The following PIK3AP1 variants were observed in gnomAD, a reference collection of about 807,000 sequenced individuals.
The protein encoded by PIK3AP1 is phosphoinositide 3-kinase adapter protein 1.
Under a neutral mutation model 88.1 loss-of-function variants are expected in PIK3AP1, and 21 were observed. The ratio of observed to expected loss-of-function variants is 0.24; its 90% CI spans 0.17 to 0.34. PIK3AP1 has a LOEUF of 0.34. PIK3AP1 is among the 10% of genes least tolerant of loss of function. The pLI, the probability that PIK3AP1 is intolerant of heterozygous loss-of-function variation, is 1.00. For synonymous variants in PIK3AP1, 398 were observed against 400.0 expected (o/e 1.00, Z 0.06); for missense variants, 828 against 1,035.7 (o/e 0.80, Z 2.75).
At chr10:96,676,124 T>G (rs902742511) in intron 2 of PIK3AP1, among the ~76,000 whole-genome samples, 5 of 152,234 alleles carry the variant, frequency 3.3e-5, no homozygotes, top group African/African-American at 1.2e-4. Flanking sequence ...TCACTGGCAG[T>G]GTCCTCAGCC....
At chr10:96,694,313 A>C (rs1444610615) in intron 2 of PIK3AP1, among the ~76,000 whole-genome samples, 1 of 152,132 alleles carries the variant, frequency 6.6e-6, no homozygotes. Flanking sequence ...CATGGCAGAC[A>C]CTCCATAAAC....
chr10:96,651,515 C>T lies in PIK3AP1; in HGVS notation c.849G>A (p.Met283Ile). 1 of 1,614,210 alleles carries T rather than the reference C, an allele frequency of 6.2e-7. No homozygotes were observed. The highest frequency in any genetic ancestry group is 1.1e-5 in the South Asian group (1 of 91,088). Residue 283 changes from methionine (M) to isoleucine (I), a missense_variant, in exon 5 of 17, where the codon ATG becomes ATA. Physicochemically the swap from Met to Ile is conservative, Grantham distance 10. This residue lies in a region of PIK3AP1 where 610 missense variants were observed against 760.1 expected (regional missense o/e 0.80). Coordinates refer to ENST00000339364, the MANE Select transcript of PIK3AP1 (RefSeq NM_152309.3). ...LSNAANPVEF[M>I]CQAFKIVPYN... ...TTCCTTGTAATATCCTTACCTGACACATGAATTCCACAGGATTCGCGGCAT... is the reference window on the plus strand; with the variant it reads ...TTCCTTGTAATATCCTTACCTGACATATGAATTCCACAGGATTCGCGGCAT...
At chr10:96,638,987 AC>A (rs970109904) in intron 8 of PIK3AP1, among the ~76,000 whole-genome samples, 1 of 152,222 alleles carries the variant, frequency 6.6e-6, no homozygotes, top group Non-Finnish European at 1.5e-5. Context: ...TAAAGGAAAA[AC>A]AAATGAACAC....
chr10:96,710,108 C>G (rs1362774946), intron 1 of PIK3AP1, 125 bp from the exon 2 acceptor site: 16 of 734,220 alleles, frequency 2.2e-5, no homozygotes, highest in Non-Finnish European at 3.5e-5. Flanking sequence ...TGGTGTGCCT[C>G]CAGCACACCA....
chr10:96,677,843 T>C (rs1049444824), intron 2 of PIK3AP1, among the ~76,000 whole-genome samples: 15 of 152,188 alleles, frequency 9.9e-5, no homozygotes, highest in Admixed American at 9.8e-4. Flanking sequence ...GTCCCAGGGG[T>C]TCTCATCACC....
At position 96,645,758 on chromosome 10, in the gene PIK3AP1, G is replaced by T. The variant is rs757613375; in HGVS notation, c.1186-96C>A. 16 of 1,019,724 alleles carry T rather than the reference G, an allele frequency of 1.6e-5. 1 individual carries two copies. Among genetic ancestry groups the T allele is most frequent in the Non-Finnish European group, 2.2e-5 (15 of 694,474 alleles). 63.2% of individuals were successfully genotyped at this position (1,019,724 alleles called of 1,614,324 possible). ...GGCACTTGTGGCCAGCAAAGTAAAG[G>T]CTCCCATGAGTCAGGATTACAACTG... is the stretch of plus-strand genomic sequence containing the variant. On this transcript the variant is annotated intron_variant, in intron 7 of 16. Transcript: ENST00000339364.
chr10:96,617,658 A>G (rs1564956656), intron 12 of PIK3AP1, among the ~76,000 whole-genome samples: 2 of 152,130 alleles, frequency 1.3e-5, no homozygotes, highest in African/African-American at 4.8e-5. Context: ...GGGAATGGAG[A>G]GACAGGAGCA....
At chr10:96,715,934 A>G (rs1656082248) in intron 1 of PIK3AP1, among the ~76,000 whole-genome samples, 2 of 151,932 alleles carry the variant, frequency 1.3e-5, no homozygotes, top group Admixed American at 1.3e-4. Flanking sequence ...GAGCACTTAA[A>G]TCTCCTATAT....
rs575619801 is a variant in PIK3AP1, at chr10:96,658,790, G to C, written c.431-1856C>G. Among the ~76,000 whole-genome samples the C allele has an allele frequency of 5.3e-5, 8 of 150,918 alleles. No individual in the cohort carries two copies. The East Asian group carries it at 1.5e-3, about 29-fold the overall frequency. On this transcript the variant is annotated intron_variant, in intron 2 of 16. Transcript: ENST00000339364. ...GCCAGATCTTTGTCCTTGTCTGTAC[G>C]TCAGGCAGAATCTAGTGTTAAGAGG...
At chr10:96,611,772 C>A (rs1393986645) in intron 13 of PIK3AP1, among the ~76,000 whole-genome samples, 1 of 152,124 alleles carries the variant, frequency 6.6e-6, no homozygotes, top group Non-Finnish European at 1.5e-5. Context: ...AGCCAAAAAT[C>A]ACTTTTTTAA....
intron 6 of PIK3AP1, among the ~76,000 whole-genome samples, chr10:96,649,159 G>A (rs995373112): frequency 1.2e-4 from 19 of 152,028 alleles, no homozygotes; most frequent in Non-Finnish European, 2.2e-4. Context: ...TGATTCTCTC[G>A]CCTCAGCCTC....
At chr10:96,617,347 C>T (rs781467561) in intron 12 of PIK3AP1, among the ~76,000 whole-genome samples, 8 of 152,146 alleles carry the variant, frequency 5.3e-5, no homozygotes, top group South Asian at 2.1e-4. Context: ...TTAACAATAA[C>T]GCCGAAGTTA....
At chr10:96,618,549 A>G (rs1203982677) in intron 12 of PIK3AP1, 2 of 151,846 alleles carry the variant, frequency 1.3e-5, no homozygotes, top group Non-Finnish European at 2.9e-5. Flanking sequence ...CTTACAGATT[A>G]TACCTCATAT....
Position 96,626,824 on chromosome 10 carries a change from T to C in PIK3AP1, c.1553A>G (p.Asp518Gly). Residue 518 changes from aspartate (D) to glycine (G), a missense_variant, in exon 10 of 17, where the codon GAC (aspartate) becomes GGC (glycine). By Grantham distance (94) the Asp-to-Gly change is moderately conservative. Transcript: ENST00000339364. ...QEEDVYHTVD[D>G]DEAFSVDLAS... ...CAGGTCCACAGAAAAGGCCTCATCG[T>C]CATCCACCGTGTGATAAACATCTTC... The C allele has an allele frequency of 3.7e-6, 6 of 1,614,188 alleles. No homozygotes were observed. The highest frequency in any genetic ancestry group is 5.1e-6 in the Non-Finnish European group (6 of 1,179,984).
intron 13 of PIK3AP1, among the ~76,000 whole-genome samples, chr10:96,610,549 G>A (rs2134190378): frequency 6.6e-6 from 1 of 151,392 alleles, no homozygotes; most frequent in South Asian, 2.1e-4. Flanking sequence ...GTGGGTGGGT[G>A]TGGGCTGGGT....
chr10:96,600,059 A>G (rs1564949363), intron 16 of PIK3AP1, among the ~76,000 whole-genome samples: 2 of 152,160 alleles, frequency 1.3e-5, no homozygotes, highest in Non-Finnish European at 2.9e-5. Context: ...GTACAATTAG[A>G]CAACTGCTTC....
chr10:96,608,706 TG>T (rs1849046438), intron 14 of PIK3AP1, among the ~76,000 whole-genome samples: 2 of 152,212 alleles, frequency 1.3e-5, no homozygotes, highest in South Asian at 4.1e-4. Context: ...TGCATGTATC[TG>T]GGGGACACAG....
intron 2 of PIK3AP1, among the ~76,000 whole-genome samples, chr10:96,689,430 C>T (rs1487679685): frequency 6.6e-6 from 1 of 151,310 alleles, no homozygotes; most frequent in East Asian, 1.9e-4. Context: ...ATTAGCTGGG[C>T]GTGGTGGCGG....
chr10:96,597,291 CT>C, intron 16 of PIK3AP1, among the ~76,000 whole-genome samples: 3 of 125,850 alleles, frequency 2.4e-5, no homozygotes, highest in African/African-American at 9.6e-5. Flanking sequence ...TCCTTCCTTC[CT>C]TCCTTCCTTC....
Sources: allele counts gnomAD v4.1 joint callset (sites outside exome capture counted in the v4.1 genomes callset), GRCh38; gene constraint gnomAD v4.1.1; regional missense constraint gnomAD v4.1.1; transcripts MANE v1.5; gene names NCBI Gene and HGNC (gene_info 2026-07-23, HGNC 2026-07-21).